Variants in CACNA2D3 observed in about 807,000 individuals in gnomAD.
The protein encoded by CACNA2D3 is voltage-dependent calcium channel subunit alpha-2/delta-3.
A neutral mutation model predicts 160.6 loss-of-function variants in CACNA2D3; 60 were observed. That is an observed-to-expected ratio of 0.37 (90% CI 0.30 to 0.46). The LOEUF (loss-of-function observed/expected upper bound fraction) is 0.46. Ranked by LOEUF, CACNA2D3 falls within the 20% of genes least tolerant of loss-of-function variation. CACNA2D3 has a pLI of 1.00. For synonymous variants in CACNA2D3, 558 were observed against 492.9 expected (o/e 1.13, Z -1.75); for missense variants, 1,205 against 1,365.0 (o/e 0.88, Z 1.85).
chr3:54,406,093 G>T (rs1445358566), intron 4 of CACNA2D3, among the ~76,000 whole-genome samples: 1 of 152,132 alleles, frequency 6.6e-6, no homozygotes, highest in Non-Finnish European at 1.5e-5. Flanking sequence ...TATGCTGTCA[G>T]TGGGAATATA....
At chr3:54,213,138 A>T (rs1463990431) in intron 2 of CACNA2D3, among the ~76,000 whole-genome samples, 5 of 152,156 alleles carry the variant, frequency 3.3e-5, no homozygotes, top group Non-Finnish European at 7.4e-5. Flanking sequence ...ACTGGAGCTA[A>T]TGAATGCATC....
At chr3:54,900,712 G>T (rs890108609) in intron 27 of CACNA2D3, among the ~76,000 whole-genome samples, 1 of 152,202 alleles carries the variant, frequency 6.6e-6, no homozygotes. Flanking sequence ...TCAATAAGTT[G>T]TACTTTAGGG....
At chr3:54,812,080 C>T (rs754087352) in intron 13 of CACNA2D3, among the ~76,000 whole-genome samples, 5 of 152,162 alleles carry the variant, frequency 3.3e-5, no homozygotes, top group Non-Finnish European at 7.3e-5. Context: ...AAGATAACCT[C>T]ATAGGCCAGA....
At chr3:54,387,233 A>G (rs1192329808) in intron 4 of CACNA2D3, among the ~76,000 whole-genome samples, 2 of 152,228 alleles carry the variant, frequency 1.3e-5, no homozygotes, top group Non-Finnish European at 2.9e-5. Context: ...TCAAATATCC[A>G]TTTCATTAAT....
At position 54,745,323 on chromosome 3, in the gene CACNA2D3, T is replaced by C. The variant is rs886985065; in HGVS notation, c.1168-7276T>C. On this transcript the variant is annotated intron_variant, in intron 11 of 37. Transcript: ENST00000474759. Reference sequence around the variant, plus strand: ...GTCTGATACCTGGTCCTGGGGTGATTAGGGCAGGTGGTATGACCTCGAGTG... The same window carrying C: ...GTCTGATACCTGGTCCTGGGGTGATCAGGGCAGGTGGTATGACCTCGAGTG... 2.0e-5 allele frequency among the ~76,000 whole-genome samples: 3 copies of C among 151,950 alleles called. No homozygotes were observed. The East Asian group carries it at 5.8e-4, about 29-fold the overall frequency.
chr3:54,428,540 G>A (rs1699942062), intron 4 of CACNA2D3, among the ~76,000 whole-genome samples: 1 of 151,402 alleles, frequency 6.6e-6, no homozygotes, highest in Non-Finnish European at 1.5e-5. Context: ...CTTTAAAAAT[G>A]TTGGGCCAGA....
chr3:54,388,555 A>T (rs1367293572), intron 4 of CACNA2D3, among the ~76,000 whole-genome samples: 1 of 152,226 alleles, frequency 6.6e-6, no homozygotes, highest in Non-Finnish European at 1.5e-5. Context: ...GGATGGTTGG[A>T]AACATTGGAA....
At position 54,289,766 on chromosome 3, in the gene CACNA2D3, C is replaced by T. The variant is rs533622305; in HGVS notation, c.205-30676C>T. Among the ~76,000 whole-genome samples the T allele has an allele frequency of 6.9e-4, 105 of 152,176 alleles. 1 individual carries two copies. The East Asian group carries it at 0.02, about 28-fold the overall frequency. ...AGAAATAATGCCGCATATCTACAAC[C>T]ATCTGATCTTTGACAAACCTGAGAA... On this transcript the variant is annotated intron_variant, in intron 2 of 37. Transcript: ENST00000474759.
intron 3 of CACNA2D3, among the ~76,000 whole-genome samples, chr3:54,356,415 A>G (rs1698649876): frequency 6.6e-6 from 1 of 152,212 alleles, no homozygotes; most frequent in Non-Finnish European, 1.5e-5. Flanking sequence ...GCCTCAGGTC[A>G]TTGCAAAGAC....
At chr3:54,362,925 G>A (rs577026064) in intron 3 of CACNA2D3, among the ~76,000 whole-genome samples, 1 of 152,320 alleles carries the variant, frequency 6.6e-6, no homozygotes, top group South Asian at 2.1e-4. Context: ...AGCCAGACAC[G>A]GTGGCTCATG....
intron 5 of CACNA2D3, among the ~76,000 whole-genome samples, chr3:54,546,147 G>C (rs1236699140): frequency 6.6e-6 from 1 of 152,202 alleles, no homozygotes; most frequent in Non-Finnish European, 1.5e-5. Flanking sequence ...CAGGGGTCGG[G>C]GGAAGGGCCT....
Position 54,727,134 on chromosome 3 carries a change from C to T in CACNA2D3, c.1168-25465C>T, listed in dbSNP as rs374542053. Among the ~76,000 whole-genome samples the T allele has an allele frequency of 2.6e-5, 4 of 152,312 alleles. No homozygotes were observed. The East Asian group carries it at 5.8e-4, about 22-fold the overall frequency. ...CACTTCTCAAAAGAAGACATTTATG[C>T]AGCCAACAGACATATGAAAAAATGC... On this transcript the variant is annotated intron_variant, in intron 11 of 37. Coordinates refer to ENST00000474759, the MANE Select transcript of CACNA2D3 (RefSeq NM_018398.3).
intron 13 of CACNA2D3, among the ~76,000 whole-genome samples, chr3:54,802,191 A>T (rs138269714): frequency 6.6e-6 from 1 of 152,102 alleles, no homozygotes; most frequent in African/African-American, 2.4e-5. Flanking sequence ...AGGTCACTCA[A>T]TTAGGGATTA....
chr3:54,714,684 G>T (rs1488122911), intron 11 of CACNA2D3, among the ~76,000 whole-genome samples: 1 of 152,128 alleles, frequency 6.6e-6, no homozygotes, highest in Non-Finnish European at 1.5e-5. Context: ...CCACCTCTTT[G>T]CCTCTGGATC....
chr3:54,331,305 A>G (rs1473902665), intron 3 of CACNA2D3, among the ~76,000 whole-genome samples: 1 of 152,186 alleles, frequency 6.6e-6, no homozygotes, highest in African/African-American at 2.4e-5. Context: ...CATCAGCATG[A>G]ATGTCTCTAT....
Position 54,807,802 on chromosome 3 carries a change from A to C in CACNA2D3, c.1381-9051A>C, listed in dbSNP as rs573761248. ...TCCCAATAGCAAAGACTTGGAACCAACCCAAATGTCCAACAATGATAGACT... is the reference window on the plus strand; with the variant it reads ...TCCCAATAGCAAAGACTTGGAACCACCCCAAATGTCCAACAATGATAGACT... On this transcript the variant is annotated intron_variant, in intron 13 of 37. Coordinates refer to ENST00000474759, the MANE Select transcript of CACNA2D3 (RefSeq NM_018398.3). Among the ~76,000 whole-genome samples, 6 of 151,800 alleles carry C rather than the reference A, an allele frequency of 4.0e-5. No homozygotes were observed. In the South Asian group the frequency reaches 1.3e-3, roughly 32 times the overall value.
intron 27 of CACNA2D3, among the ~76,000 whole-genome samples, chr3:54,912,855 C>G (rs76555760): frequency 6.6e-6 from 1 of 152,046 alleles, no homozygotes; most frequent in East Asian, 1.9e-4. Context: ...ACATTGTAGA[C>G]GGTCTTCATC....
intron 35 of CACNA2D3, among the ~76,000 whole-genome samples, chr3:55,042,991 T>C (rs1703990336): frequency 6.6e-6 from 1 of 152,210 alleles, no homozygotes; most frequent in African/African-American, 2.4e-5. Context: ...TCATATTTTG[T>C]TTATCCATTA....
chr3:54,146,208 T>G (rs1367767781), intron 2 of CACNA2D3, among the ~76,000 whole-genome samples: 2 of 152,216 alleles, frequency 1.3e-5, no homozygotes, highest in African/African-American at 4.8e-5. Flanking sequence ...TATGCAGTAC[T>G]GCTACTCCTG....
Sources: allele counts gnomAD v4.1 joint callset (sites outside exome capture counted in the v4.1 genomes callset), GRCh38; gene constraint gnomAD v4.1.1; transcripts MANE v1.5; gene names NCBI Gene and HGNC (gene_info 2026-07-23, HGNC 2026-07-21).